TMEM117: variants seen among roughly 807,000 people sequenced by gnomAD.
The protein encoded by TMEM117 is transmembrane protein 117.
TMEM117 carries 27 observed loss-of-function variants against 52.4 expected under a neutral mutation model. The ratio of observed to expected loss-of-function variants is 0.51; its 90% CI spans 0.38 to 0.71. The LOEUF is 0.71. TMEM117 is among the 30% of genes least tolerant of loss of function. The probability of loss-of-function intolerance (pLI) is 0.00; values close to 1 mark genes in which losing one functional copy is unlikely to be tolerated. For synonymous variants in TMEM117, 215 were observed against 206.3 expected (o/e 1.04, Z -0.36); for missense variants, 556 against 630.5 (o/e 0.88, Z 1.26).
At chr12:44,097,031 A>C (rs1349790056) in intron 3 of TMEM117, among the ~76,000 whole-genome samples, 2 of 152,158 alleles carry the variant, frequency 1.3e-5, no homozygotes, top group Non-Finnish European at 2.9e-5. Flanking sequence ...AAAAACAAAC[A>C]ACCTCATCAA....
intron 6 of TMEM117, among the ~76,000 whole-genome samples, chr12:44,315,492 TA>T (rs1370225918): frequency 6.6e-6 from 1 of 152,244 alleles, no homozygotes; most frequent in Non-Finnish European, 1.5e-5. Flanking sequence ...CTTTCTGCCT[TA>T]AATTCATTGT....
chr12:44,133,445 C>T (rs1948444508), intron 3 of TMEM117, among the ~76,000 whole-genome samples: 1 of 152,186 alleles, frequency 6.6e-6, no homozygotes, highest in Non-Finnish European at 1.5e-5. Context: ...CTCGATGGGT[C>T]TGAAATGTTC....
chr12:43,943,352 C>G (rs1458994730), intron 2 of TMEM117, among the ~76,000 whole-genome samples: 1 of 152,070 alleles, frequency 6.6e-6, no homozygotes, highest in African/African-American at 2.4e-5. Flanking sequence ...TCACTTCTTT[C>G]TTACTCCCAA....
At chr12:43,947,020 A>T (rs1472008007) in intron 3 of TMEM117, among the ~76,000 whole-genome samples, 1 of 152,172 alleles carries the variant, frequency 6.6e-6, no homozygotes, top group Non-Finnish European at 1.5e-5. Context: ...GCAAGGGACA[A>T]ATGGTTTAGT....
At chr12:44,250,773 G>A (rs998346045) in intron 5 of TMEM117, among the ~76,000 whole-genome samples, 3 of 152,162 alleles carry the variant, frequency 2.0e-5, no homozygotes, top group African/African-American at 7.2e-5. Context: ...TTGCTCCTAA[G>A]TGGGAGTTGA....
At chr12:43,965,936 T>A (rs1002872568) in intron 3 of TMEM117, among the ~76,000 whole-genome samples, 2 of 152,190 alleles carry the variant, frequency 1.3e-5, no homozygotes, top group Admixed American at 6.5e-5. Flanking sequence ...TAATGTCTAC[T>A]GTTGCCATCT....
At chr12:44,380,751 C>A (rs1952008544) in intron 7 of TMEM117, among the ~76,000 whole-genome samples, 1 of 152,188 alleles carries the variant, frequency 6.6e-6, no homozygotes, top group South Asian at 2.1e-4. Context: ...TTACTTAAAG[C>A]TTTTCCTTTC....
chr12:44,294,799 A>G (rs1462897537), intron 5 of TMEM117, among the ~76,000 whole-genome samples: 1 of 152,230 alleles, frequency 6.6e-6, no homozygotes, highest in Non-Finnish European at 1.5e-5. Context: ...GATAATCCAC[A>G]TCCTGGACAA....
chr12:44,071,159 A>G (rs893351523), intron 3 of TMEM117, among the ~76,000 whole-genome samples: 1 of 152,190 alleles, frequency 6.6e-6, no homozygotes, highest in African/African-American at 2.4e-5. Flanking sequence ...TAGTTTCTTC[A>G]TAAGATTTGC....
At chr12:44,066,191 A>G (rs1297181620) in intron 3 of TMEM117, among the ~76,000 whole-genome samples, 1 of 152,244 alleles carries the variant, frequency 6.6e-6, no homozygotes, top group Non-Finnish European at 1.5e-5. Flanking sequence ...AGTCAGTTAC[A>G]GTTTAATGTG....
intron 2 of TMEM117, among the ~76,000 whole-genome samples, chr12:43,895,147 C>G (rs1214679145): frequency 6.6e-6 from 1 of 152,200 alleles, no homozygotes; most frequent in East Asian, 1.9e-4. Context: ...CCTCCTCCCA[C>G]TCTCCACTCT....
intron 3 of TMEM117, among the ~76,000 whole-genome samples, chr12:44,088,200 C>A (rs1947604398): frequency 6.6e-6 from 1 of 152,072 alleles, no homozygotes; most frequent in African/African-American, 2.4e-5. Context: ...TCCAGGGCTT[C>A]CCAGCAACAC....
intron 6 of TMEM117, among the ~76,000 whole-genome samples, chr12:44,323,454 A>G (rs1214666266): frequency 6.6e-6 from 1 of 152,098 alleles, no homozygotes; most frequent in Non-Finnish European, 1.5e-5. Context: ...TATTTCCTCT[A>G]TTAGATGCTT....
At chr12:44,101,114 T>G (rs1947853524) in intron 3 of TMEM117, among the ~76,000 whole-genome samples, 1 of 151,846 alleles carries the variant, frequency 6.6e-6, no homozygotes, top group Non-Finnish European at 1.5e-5. Context: ...AGAAGAGCAC[T>G]AATCCCATTC....
intron 5 of TMEM117, among the ~76,000 whole-genome samples, chr12:44,264,429 T>C (rs574214339): frequency 5.2e-4 from 79 of 152,272 alleles, no homozygotes; most frequent in Non-Finnish European, 7.2e-4. Context: ...ACTCTGTGGC[T>C]CTCAGGACAC....
intron 3 of TMEM117, among the ~76,000 whole-genome samples, chr12:43,950,383 A>C (rs991126168): frequency 6.6e-6 from 1 of 152,172 alleles, no homozygotes; most frequent in Non-Finnish European, 1.5e-5. Context: ...GGTCAGGAAC[A>C]AAATGACTTT....
Position 44,107,453 on chromosome 12 carries a change from C to T in TMEM117, c.411-36072C>T, listed in dbSNP as rs139217151. Among the ~76,000 whole-genome samples the T allele has an allele frequency of 5.8e-4, 89 of 152,156 alleles. 1 individual carries two copies. The East Asian group carries it at 0.011, about 19-fold the overall frequency. On this transcript the variant is annotated intron_variant, in intron 3 of 7. Coordinates refer to ENST00000266534, the MANE Select transcript of TMEM117 (RefSeq NM_032256.3). ...AAATTCACTTAGAACCTAGACTCTT[C>T]GTGCTTTATTGCACAGTGGTTTAAG...
At chr12:44,019,618 ATGT>A (rs1946425119) in intron 3 of TMEM117, among the ~76,000 whole-genome samples, 1 of 152,142 alleles carries the variant, frequency 6.6e-6, no homozygotes, top group African/African-American at 2.4e-5. Flanking sequence ...GTTTTATGTA[ATGT>A]TATTTCATAA....
chr12:43,978,437 T>C (rs868185757), intron 3 of TMEM117, among the ~76,000 whole-genome samples: 43 of 152,256 alleles, frequency 2.8e-4, no homozygotes, highest in African/African-American at 1.0e-3. Context: ...ATATTAAGGC[T>C]CTAACTTCAG....
Sources: allele counts gnomAD v4.1 joint callset (sites outside exome capture counted in the v4.1 genomes callset), GRCh38; gene constraint gnomAD v4.1.1; transcripts MANE v1.5; gene names NCBI Gene and HGNC (gene_info 2026-07-23, HGNC 2026-07-21).